The following ADAMTS20 variants were observed in gnomAD, a reference collection of about 807,000 sequenced individuals.
ADAMTS20 encodes A disintegrin and metalloproteinase with thrombospondin motifs 20.
In ADAMTS20, 225 loss-of-function variants were observed where a neutral mutation model predicts 260.1. The ratio of observed to expected loss-of-function variants is 0.87; its 90% CI spans 0.78 to 0.97. The LOEUF is 0.97. Ranked by LOEUF, ADAMTS20 falls within the 50% of genes least tolerant of loss-of-function variation. The pLI is 0.00. For missense variants in ADAMTS20, 2,400 were observed against 2,337.7 expected, an observed-to-expected ratio of 1.03 and a Z score of -0.55; for synonymous variants, 802 against 769.5, an observed-to-expected ratio of 1.04 and a Z score of -0.70.
At chr12:43,549,656 G>A (rs1943486867) in intron 2 of ADAMTS20, among the ~76,000 whole-genome samples, 1 of 152,088 alleles carries the variant, frequency 6.6e-6, no homozygotes, top group South Asian at 2.1e-4. Flanking sequence ...TTTAGAAGGA[G>A]AATTTTTTAT....
intron 3 of ADAMTS20, among the ~76,000 whole-genome samples, chr12:43,510,580 T>C (rs1274067025): frequency 2.0e-5 from 3 of 152,072 alleles, no homozygotes; most frequent in Non-Finnish European, 4.4e-5. Context: ...TTCTATGTAA[T>C]ACATCCCTTT....
intron 3 of ADAMTS20, among the ~76,000 whole-genome samples, chr12:43,530,565 A>C (rs1451809810): frequency 6.6e-6 from 1 of 152,162 alleles, no homozygotes; most frequent in Admixed American, 6.5e-5. Flanking sequence ...ATTATATCTC[A>C]AAACAGATGG....
intron 29 of ADAMTS20, among the ~76,000 whole-genome samples, chr12:43,398,255 T>A (rs1351942985): frequency 1.3e-5 from 2 of 152,180 alleles, no homozygotes. Flanking sequence ...TTTTGTCCTG[T>A]CAATATTTCC....
chr12:43,390,604 A>G (rs1445996332), intron 29 of ADAMTS20, among the ~76,000 whole-genome samples: 4 of 152,238 alleles, frequency 2.6e-5, no homozygotes, highest in African/African-American at 9.6e-5. Context: ...ACACTGGAAC[A>G]TGAGTACAGT....
In ADAMTS20 at chr12:43,369,287, T is replaced by C; in HGVS notation, c.5538+3A>G. The C allele has an allele frequency of 2.0e-6, 3 of 1,489,180 alleles. No homozygotes were observed. The South Asian group carries it at 4.3e-5, about 21-fold the overall frequency. 92.2% of individuals were successfully genotyped at this position (1,489,180 alleles called of 1,614,324 possible). A position where few individuals can be genotyped will look rare whatever the true frequency, so the allele number is the denominator to read the frequency against. ...GAAAATTAATCAAACAAATATGAAATACCTGTGGGCATCTGAAAGCACTGT... is the reference window on the plus strand; with the variant it reads ...GAAAATTAATCAAACAAATATGAAACACCTGTGGGCATCTGAAAGCACTGT... On this transcript the variant is annotated splice_donor_region_variant and intron_variant, in intron 37 of 38. Coordinates refer to ENST00000389420, the MANE Select transcript of ADAMTS20 (RefSeq NM_025003.5).
chr12:43,425,145 A>G (rs571502973), intron 28 of ADAMTS20, among the ~76,000 whole-genome samples: 38 of 152,310 alleles, frequency 2.5e-4, no homozygotes, highest in Middle Eastern at 3.4e-3. Flanking sequence ...TCCTCAGCAA[A>G]CTAATACAGG....
intron 28 of ADAMTS20, among the ~76,000 whole-genome samples, chr12:43,404,415 C>A (rs1030226420): frequency 1.3e-5 from 2 of 151,970 alleles, no homozygotes; most frequent in African/African-American, 4.8e-5. Context: ...ACATTTCCAA[C>A]GTAATAGATA....
In ADAMTS20 at chr12:43,425,607, G is replaced by T; in HGVS notation, c.4191C>A (p.Asn1397Lys). The change falls in exon 28 of 39, where the codon AAC becomes AAA. Residue 1397 changes from asparagine (N) to lysine (K), a missense_variant. Physicochemically the swap from Asn to Lys is moderately conservative, Grantham distance 94. Transcript: ENST00000389420. The part of the protein sequence containing the change: ...FPNGQILEDH[N>K]CEIVNKPPSV... ...TAGGTGGCTTGTTTACAATTTCACA[G>T]TTGTGATCTTCTAATATTTGGCCAT... 1 of 1,610,988 alleles carries T rather than the reference G, an allele frequency of 6.2e-7. No homozygotes were observed. Among genetic ancestry groups the T allele is most frequent in the Non-Finnish European group, 8.5e-7 (1 of 1,178,212 alleles).
At chr12:43,464,456 C>A (rs1402402372) in intron 10 of ADAMTS20, 135 bp downstream of exon 10, 7 of 1,128,924 alleles carry the variant, frequency 6.2e-6, no homozygotes, top group Non-Finnish European at 7.3e-6. Flanking sequence ...CTTTTCTTAA[C>A]CTCTTTTTGA....
At chr12:43,515,311 T>C (rs188585785) in intron 3 of ADAMTS20, among the ~76,000 whole-genome samples, 13 of 152,368 alleles carry the variant, frequency 8.5e-5, no homozygotes, top group Admixed American at 5.9e-4. Flanking sequence ...TTCAACACCA[T>C]TTTCAAATAA....
At chr12:43,405,152 G>T (rs955947899) in intron 28 of ADAMTS20, among the ~76,000 whole-genome samples, 1 of 146,358 alleles carries the variant, frequency 6.8e-6, no homozygotes, top group African/African-American at 2.5e-5. Flanking sequence ...CCAGCACTTT[G>T]GGAGGCTGAG....
At chr12:43,510,655 T>C (rs1186603558) in intron 3 of ADAMTS20, among the ~76,000 whole-genome samples, 1 of 152,020 alleles carries the variant, frequency 6.6e-6, no homozygotes, top group African/African-American at 2.4e-5. Flanking sequence ...AACAAGCGTA[T>C]TAAGACCCAA....
At chr12:43,452,242 TTAAATC>T (rs755163796) in intron 14 of ADAMTS20, 26 bp downstream of exon 14, 2 of 1,563,054 alleles carry the variant, frequency 1.3e-6, no homozygotes, top group African/African-American at 1.4e-5. Flanking sequence ...TAAAGTCACT[TTAAATC>T]TAATAGAAAC....
At chr12:43,500,053 G>T (rs1278446304) in intron 4 of ADAMTS20, among the ~76,000 whole-genome samples, 1 of 149,164 alleles carries the variant, frequency 6.7e-6, no homozygotes. Context: ...TTTTGAGAGA[G>T]AGTCTCAGTC....
intron 29 of ADAMTS20, among the ~76,000 whole-genome samples, chr12:43,385,499 T>G (rs182143609): frequency 1.9e-4 from 29 of 152,324 alleles, no homozygotes; most frequent in Middle Eastern, 3.4e-3. Context: ...TTGCTTTTGG[T>G]GTTTTAGTCA....
Position 43,427,389 on chromosome 12 carries a change from G to A in ADAMTS20, c.4026C>T (p.Cys1342=), listed in dbSNP as rs148216689. Residue 1342 remains cysteine (C), a synonymous_variant, in exon 27 of 39, where the codon TGC becomes TGT. Coordinates refer to ENST00000389420, the MANE Select transcript of ADAMTS20 (RefSeq NM_025003.5). ...ACTCTGGAGGCTTGGAGGCTGCATC[G>A]CAGTAACTAGCACTTTGTCCATTTT... ...QDENGQSASY[C]DAASKPPELQ... The A allele has an allele frequency of 1.8e-5, 29 of 1,613,812 alleles. No homozygotes were observed. Among genetic ancestry groups the A allele is most frequent in the East Asian group, 1.3e-4 (6 of 44,878 alleles).
rs145723311 is a variant in ADAMTS20, at chr12:43,372,191, C to T, written c.5447-2810G>A. Among the ~76,000 whole-genome samples, 352 of 152,086 alleles carry T rather than the reference C, an allele frequency of 2.3e-3. 1 individual carries two copies. The highest frequency in any genetic ancestry group is 4.1e-3 in the Non-Finnish European group (280 of 67,986). ...GAAATCTATAAATTTAATGAGATTC[C>T]CAAATAACAACTGAATCCTATAGCT... On this transcript the variant is annotated intron_variant, in intron 36 of 38. Transcript: ENST00000389420.
In ADAMTS20 at chr12:43,465,360, T is replaced by A. The variant is rs571829173; in HGVS notation, c.1368-628A>T. 4.6e-5 allele frequency among the ~76,000 whole-genome samples: 7 copies of A among 152,190 alleles called. No individual in the cohort carries two copies. The South Asian group carries it at 1.4e-3, about 32-fold the overall frequency. On this transcript the variant is annotated intron_variant, in intron 9 of 38. Coordinates refer to ENST00000389420, the MANE Select transcript of ADAMTS20 (RefSeq NM_025003.5). ...CCTCTCTCCCTGAACCACAGTCTCC[T>A]CATCTGTAAATTGAGAGTGGTAATA...
intron 3 of ADAMTS20, among the ~76,000 whole-genome samples, chr12:43,519,266 T>C (rs1943039909): frequency 6.6e-6 from 1 of 152,116 alleles, no homozygotes; most frequent in Non-Finnish European, 1.5e-5. Context: ...TAAAGAGCAC[T>C]GCAACTGTTT....
Sources: allele counts gnomAD v4.1 joint callset (sites outside exome capture counted in the v4.1 genomes callset), GRCh38; gene constraint gnomAD v4.1.1; transcripts MANE v1.5; gene names NCBI Gene and HGNC (gene_info 2026-07-23, HGNC 2026-07-21).